The following STPG2 variants were observed in gnomAD, a reference collection of about 807,000 sequenced individuals.
STPG2 encodes the protein sperm-tail PG-rich repeat-containing protein 2.
Under a neutral mutation model 54.2 loss-of-function variants are expected in STPG2, and 56 were observed. The observed-to-expected ratio is 1.03, with a 90% CI of 0.83 to 1.29. The LOEUF (loss-of-function observed/expected upper bound fraction) is 1.29, where lower values mean the gene tolerates loss of function less well. Among genes scored for constraint, STPG2 ranks in the 50% most tolerant of loss-of-function variants. The pLI, the probability that STPG2 is intolerant of heterozygous loss-of-function variation, is 0.00. For synonymous variants in STPG2, 200 were observed against 181.8 expected (o/e 1.10, Z -0.81); for missense variants, 596 against 544.9 (o/e 1.09, Z -0.93).
At chr4:97,817,583 C>A (rs1196802755) in intron 9 of STPG2, among the ~76,000 whole-genome samples, 1 of 151,956 alleles carries the variant, frequency 6.6e-6, no homozygotes, top group Non-Finnish European at 1.5e-5. Context: ...CTGGCTGCTT[C>A]CCCATTATCT....
chr4:97,742,366 AT>A (rs1311809623), intron 9 of STPG2, among the ~76,000 whole-genome samples: 1 of 151,220 alleles, frequency 6.6e-6, no homozygotes, highest in Non-Finnish European at 1.5e-5. Context: ...AAGTATAATA[AT>A]AATAAAATAA....
At chr4:97,565,666 C>T (rs1185804373) in intron 10 of STPG2, among the ~76,000 whole-genome samples, 1 of 152,314 alleles carries the variant, frequency 6.6e-6, no homozygotes, top group East Asian at 1.9e-4. Context: ...GGATCCTCAG[C>T]TGCAGGTCTG....
At chr4:97,727,801 A>G (rs1310994305) in intron 9 of STPG2, among the ~76,000 whole-genome samples, 1 of 151,756 alleles carries the variant, frequency 6.6e-6, no homozygotes, top group Non-Finnish European at 1.5e-5. Flanking sequence ...CAGGATAGCC[A>G]CATTAGTGTT....
At chr4:97,920,166 A>T (rs1732042051) in intron 8 of STPG2, among the ~76,000 whole-genome samples, 1 of 152,232 alleles carries the variant, frequency 6.6e-6, no homozygotes, top group Non-Finnish European at 1.5e-5. Flanking sequence ...AATTTAAAAC[A>T]GGCTTTGTAT....
intron 9 of STPG2, among the ~76,000 whole-genome samples, chr4:97,771,247 G>A (rs545250167): frequency 3.3e-5 from 5 of 152,128 alleles, no homozygotes; most frequent in Non-Finnish European, 7.4e-5. Flanking sequence ...AGCACACGGG[G>A]ATTTAAACAG....
At chr4:97,738,928 C>A (rs1197963092) in intron 9 of STPG2, among the ~76,000 whole-genome samples, 1 of 152,036 alleles carries the variant, frequency 6.6e-6, no homozygotes, top group Non-Finnish European at 1.5e-5. Context: ...CAGCACCGCA[C>A]CACACCTATT....
chr4:97,606,978 T>G (rs140449119), intron 10 of STPG2, among the ~76,000 whole-genome samples: 4 of 152,104 alleles, frequency 2.6e-5, no homozygotes, highest in Non-Finnish European at 5.9e-5. Context: ...CCATTCTACA[T>G]GATAAAAGAA....
rs2149014796 is a variant in STPG2, at chr4:97,720,113, T to C, written c.1205-7299A>G. 3.3e-5 allele frequency among the ~76,000 whole-genome samples: 5 copies of C among 152,166 alleles called. No individual in the cohort carries two copies. The South Asian group carries it at 1.0e-3, about 32-fold the overall frequency. On this transcript the variant is annotated intron_variant, in intron 9 of 10. Coordinates refer to ENST00000295268, the MANE Select transcript of STPG2 (RefSeq NM_174952.3). ...ACTGAAGAGGCAATGCTTGCAAGTA[T>C]ATTTTCATCTCTATGTTATTTTAGC...
At chr4:98,119,367 A>C (rs2865955) in intron 3 of STPG2, among the ~76,000 whole-genome samples, 59,985 of 151,838 alleles carry the variant, frequency 0.4, 12,086 homozygotes, top group Middle Eastern at 0.45. Context: ...AAATAAATAA[A>C]CTGTACTCTT....
chr4:97,942,335 T>C (rs1166701648), intron 8 of STPG2, among the ~76,000 whole-genome samples: 1 of 151,980 alleles, frequency 6.6e-6, no homozygotes, highest in Non-Finnish European at 1.5e-5. Context: ...TACTTCACAA[T>C]GGATCCTGAG....
At chr4:98,042,534 A>T (rs751349145) in intron 5 of STPG2, among the ~76,000 whole-genome samples, 1 of 151,628 alleles carries the variant, frequency 6.6e-6, no homozygotes, top group Non-Finnish European at 1.5e-5. Context: ...ATTTTTATTC[A>T]TTTCAAAAAA....
chr4:97,756,605 C>T (rs1307552444), intron 9 of STPG2, among the ~76,000 whole-genome samples: 3 of 152,020 alleles, frequency 2.0e-5, no homozygotes, highest in South Asian at 2.1e-4. Context: ...CTATTACAGG[C>T]GTGAGCCACC....
At chr4:97,948,386 A>G (rs1246671496) in intron 7 of STPG2, among the ~76,000 whole-genome samples, 2 of 151,886 alleles carry the variant, frequency 1.3e-5, no homozygotes, top group African/African-American at 4.8e-5. Flanking sequence ...TGTTTCATTG[A>G]TATTTTGTAT....
At chr4:97,901,987 C>T (rs531586786) in intron 8 of STPG2, among the ~76,000 whole-genome samples, 2 of 151,846 alleles carry the variant, frequency 1.3e-5, no homozygotes, top group Non-Finnish European at 2.9e-5. Flanking sequence ...AATAGAAAGC[C>T]TGGAAATAAA....
chr4:97,441,409 G>C (rs2148790061), intron 4 of STPG2: 1 of 152,036 alleles, frequency 6.6e-6, no homozygotes, highest in East Asian at 1.9e-4. Flanking sequence ...TTTATCTCTA[G>C]ATGTTAGAAG....
At chr4:98,093,295 T>G (rs750756186) in intron 5 of STPG2, among the ~76,000 whole-genome samples, 2 of 152,164 alleles carry the variant, frequency 1.3e-5, no homozygotes, top group Non-Finnish European at 2.9e-5. Context: ...TAACAGGAAT[T>G]CTCAGTAAAT....
At chr4:97,955,325 C>A (rs1453479577) in intron 7 of STPG2, among the ~76,000 whole-genome samples, 1 of 151,904 alleles carries the variant, frequency 6.6e-6, no homozygotes, top group Non-Finnish European at 1.5e-5. Context: ...CGCCATTCTC[C>A]TGCCTCAGCC....
At chr4:97,603,462 G>T (rs1297615256) in intron 10 of STPG2, among the ~76,000 whole-genome samples, 2 of 151,490 alleles carry the variant, frequency 1.3e-5, no homozygotes, top group Non-Finnish European at 3.0e-5. Context: ...ATACTTCTGG[G>T]TATATATCCA....
intron 9 of STPG2, among the ~76,000 whole-genome samples, chr4:97,740,799 A>T (rs192147833): frequency 0.083 from 12,654 of 152,242 alleles, 677 homozygotes; most frequent in South Asian, 0.21. Flanking sequence ...AAGGTAATTT[A>T]TACATTCAAT....
Sources: allele counts gnomAD v4.1 joint callset (sites outside exome capture counted in the v4.1 genomes callset), GRCh38; gene constraint gnomAD v4.1.1; transcripts MANE v1.5; gene names NCBI Gene and HGNC (gene_info 2026-07-23, HGNC 2026-07-21).